The following OSBPL5 variants were observed in gnomAD, a reference collection of about 807,000 sequenced individuals.
OSBPL5 encodes oxysterol-binding protein-related protein 5.
OSBPL5 carries 71 observed loss-of-function variants against 111.2 expected under a neutral mutation model. That is an observed-to-expected ratio of 0.64 (90% CI 0.53 to 0.78). The LOEUF (loss-of-function observed/expected upper bound fraction) is 0.78, where lower values mean the gene tolerates loss of function less well. Among genes scored for constraint, OSBPL5 ranks in the 30% least tolerant of loss-of-function variants. The pLI, the probability that OSBPL5 is intolerant of heterozygous loss-of-function variation, is 0.00. For synonymous variants in OSBPL5, 549 were observed against 513.9 expected, an observed-to-expected ratio of 1.07 and a Z score of -0.93; for missense variants, 1,210 against 1,189.3, an observed-to-expected ratio of 1.02 and a Z score of -0.26.
intron 6 of OSBPL5, 115 bp downstream of exon 6, chr11:3,120,306 C>T: frequency 1.5e-6 from 2 of 1,324,192 alleles, no homozygotes; most frequent in Non-Finnish European, 2.1e-6. Context: ...GAGACACCTG[C>T]TCAAGGCCCC....
At chr11:3,153,109 G>A (rs563189022) in intron 1 of OSBPL5, among the ~76,000 whole-genome samples, 34 of 152,048 alleles carry the variant, frequency 2.2e-4, no homozygotes, top group Non-Finnish European at 4.1e-4. Context: ...GCTACGAGGT[G>A]AGCTGCTTCC....
chr11:3,097,975 G>A (rs1857330655), intron 14 of OSBPL5, among the ~76,000 whole-genome samples: 1 of 152,166 alleles, frequency 6.6e-6, no homozygotes, highest in Non-Finnish European at 1.5e-5. Context: ...GGCTGAGGCA[G>A]GAGAATTGCT....
intron 1 of OSBPL5, among the ~76,000 whole-genome samples, chr11:3,139,019 C>G (rs1310800396): frequency 6.6e-6 from 1 of 152,232 alleles, no homozygotes; most frequent in African/African-American, 2.4e-5. Flanking sequence ...CACCTGAGCT[C>G]CAAGGGCAGG....
chr11:3,097,024 G>GGGAAGACGGGAGA (rs1564824603), intron 14 of OSBPL5, among the ~76,000 whole-genome samples: 1 of 104,172 alleles, frequency 9.6e-6, no homozygotes, highest in African/African-American at 3.9e-5. Flanking sequence ...ACGGGAGGGG[G>GGGAAGACGGGAGA]AGGAGAGGAA....
intron 7 of OSBPL5, among the ~76,000 whole-genome samples, chr11:3,111,700 G>C (rs955657174): frequency 6.6e-6 from 1 of 151,762 alleles, no homozygotes; most frequent in Non-Finnish European, 1.5e-5. Flanking sequence ...CAATGGTGGC[G>C]TGATGGGGGG....
Position 3,140,559 on chromosome 11 carries a change from C to T in OSBPL5, c.-21-11390G>A, listed in dbSNP as rs1407101088. ...GGGCCTCCCCCAGCAGAGAGGGGCA[C>T]CGAGGGAAGCCAGGACCCCAGGCAG... On this transcript the variant is annotated intron_variant, in intron 1 of 21. Transcript: ENST00000263650. The surrounding 1 kb of genome is among the most constrained non-coding windows in gnomAD (Gnocchi z 4.5). Among the ~76,000 whole-genome samples, 1 of 152,114 alleles carries T rather than the reference C, an allele frequency of 6.6e-6. No homozygotes were observed. The highest frequency in any genetic ancestry group is 2.4e-5 in the African/African-American group (1 of 41,410).
chr11:3,092,762 G>A lies in OSBPL5; in HGVS notation c.2132+105C>T. On this transcript the variant is annotated intron_variant, in intron 18 of 21. Coordinates refer to ENST00000263650, the MANE Select transcript of OSBPL5 (RefSeq NM_020896.4). This position sits in a 1 kb window ranked among gnomAD's most constrained non-coding sequence, Gnocchi z 5.4. ...CCCTCCCCCACCGACTCCTCCAGGG[G>A]ACAGGCTGAAGGTGAGAGGGAAGCC... 1.4e-6 allele frequency: 2 copies of A among 1,405,978 alleles called. No individual in the cohort carries two copies. Among genetic ancestry groups the A allele is most frequent in the Non-Finnish European group, 9.5e-7 (1 of 1,056,432 alleles). The allele number at this position is 1,405,978 out of a possible 1,614,324, so 87.1% of individuals were successfully genotyped here. A position where few individuals can be genotyped will look rare whatever the true frequency, so the allele number is the denominator to read the frequency against.
At position 3,107,312 on chromosome 11, in the gene OSBPL5, A is replaced by G. The variant is rs1190060469; in HGVS notation, c.1010T>C (p.Val337Ala). The change falls in exon 9 of 22, where the codon GTG becomes GCG. Residue 337 changes from valine to alanine, a missense_variant. Transcript: ENST00000263650. This position sits in a 1 kb window ranked among gnomAD's most constrained non-coding sequence, Gnocchi z 6.1. ...SDQSETPGAP[V>A]RRGTTYVEQV... Reference sequence around the variant, plus strand: ...CTCCACATAGGTGGTCCCTCTCCGCACCGGGGCCCCAGGGGTCTCTGACTG... The same window carrying G: ...CTCCACATAGGTGGTCCCTCTCCGCGCCGGGGCCCCAGGGGTCTCTGACTG... The G allele has an allele frequency of 6.2e-7, 1 of 1,612,376 alleles. No individual in the cohort carries two copies. Among genetic ancestry groups the G allele is most frequent in the South Asian group, 1.1e-5 (1 of 90,968 alleles).
chr11:3,121,857 G>A lies in OSBPL5; in HGVS notation c.402+140C>T, dbSNP rs1176889558. ...GGATAAGGAAAGGCCTCATGAGGAA[G>A]GAGCAGAGGCTGCAGTGATAACGGC... On this transcript the variant is annotated intron_variant, in intron 5 of 21. Transcript: ENST00000263650. The surrounding 1 kb of genome is among the most constrained non-coding windows in gnomAD (Gnocchi z 4.3). 8.4e-6 allele frequency: 6 copies of A among 716,418 alleles called. No homozygotes were observed. The highest frequency in any genetic ancestry group is 3.0e-4 in the Middle Eastern group (1 of 3,348). The allele number at this position is 716,418 out of a possible 1,614,324, so 44.4% of individuals were successfully genotyped here.
intron 10 of OSBPL5, 59 bp from the exon 11 acceptor site, chr11:3,103,379 T>C: frequency 6.8e-7 from 1 of 1,471,758 alleles, no homozygotes; most frequent in Non-Finnish European, 9.3e-7. Flanking sequence ...CACCCTCCCT[T>C]TCCCTGACCC....
At chr11:3,102,767 G>A (rs1009450579) in intron 11 of OSBPL5, among the ~76,000 whole-genome samples, 1 of 152,174 alleles carries the variant, frequency 6.6e-6, no homozygotes, top group African/African-American at 2.4e-5. Context: ...TCTGTGGTGG[G>A]GTCAGGGGAG....
At position 3,087,729 on chromosome 11, in the gene OSBPL5, G is replaced by A. The variant is rs188722385; in HGVS notation, c.*476C>T. 13 of 153,376 alleles carry A rather than the reference G, an allele frequency of 8.5e-5. No individual in the cohort carries two copies. The highest frequency in any genetic ancestry group is 3.8e-4 in the East Asian group (2 of 5,204). 9.5% of individuals were successfully genotyped at this position (153,376 alleles called of 1,614,324 possible). ...CCAGTGGCCCCACCAGGGTGGTCCC[G>A]GCAATGTGGACAGGGTCTCCGGAAG... On this transcript the variant is annotated 3_prime_UTR_variant, in exon 22 of 22. Coordinates refer to ENST00000263650, the MANE Select transcript of OSBPL5 (RefSeq NM_020896.4).
rs1857731895 is a variant in OSBPL5, at chr11:3,107,255, G to A, written c.1059+8C>T. 1.2e-6 allele frequency: 2 copies of A among 1,609,886 alleles called. No individual in the cohort carries two copies. The highest frequency in any genetic ancestry group is 1.7e-6 in the Non-Finnish European group (2 of 1,178,672). On this transcript the variant is annotated splice_region_variant and intron_variant, in intron 9 of 21. Transcript: ENST00000263650. This position sits in a 1 kb window ranked among gnomAD's most constrained non-coding sequence, Gnocchi z 6.1. ...GACGCTTGGGGCTCCTGGCTGGGGG[G>A]CTCTCACCTCCCCCAGCTCCTCCTG...
chr11:3,089,788 C>T, intron 21 of OSBPL5, 58 bp downstream of exon 21: 10 of 1,494,580 alleles, frequency 6.7e-6, no homozygotes, highest in Non-Finnish European at 9.1e-6. Flanking sequence ...CCTAGCTCTA[C>T]CAGGTCTCTC....
intron 1 of OSBPL5, among the ~76,000 whole-genome samples, chr11:3,159,435 C>T (rs1406337744): frequency 1.3e-5 from 2 of 152,198 alleles, no homozygotes; most frequent in Non-Finnish European, 2.9e-5. Context: ...TCTCCCTGGC[C>T]CTGTGCCAGG....
chr11:3,144,818 G>A (rs1349359174), intron 1 of OSBPL5, among the ~76,000 whole-genome samples: 1 of 152,232 alleles, frequency 6.6e-6, no homozygotes, highest in Non-Finnish European at 1.5e-5. Flanking sequence ...GGCCAGGGCA[G>A]CTCATTCCCC....
At chr11:3,120,312 G>T (rs1368435649) in intron 6 of OSBPL5, 109 bp downstream of exon 6, 4 of 1,373,498 alleles carry the variant, frequency 2.9e-6, no homozygotes, top group African/African-American at 1.4e-5. Context: ...CCTGCTCAAG[G>T]CCCCAAGGGG....
intron 19 of OSBPL5, among the ~76,000 whole-genome samples, chr11:3,091,220 T>C (rs1242386682): frequency 6.6e-6 from 1 of 152,228 alleles, no homozygotes; most frequent in Non-Finnish European, 1.5e-5. Flanking sequence ...CATTCAGCCC[T>C]TACTTGAGCT....
Position 3,146,024 on chromosome 11 carries a change from G to T in OSBPL5, c.-21-16855C>A, listed in dbSNP as rs758776195. On this transcript the variant is annotated intron_variant, in intron 1 of 21. Transcript: ENST00000263650. The surrounding 1 kb of genome is among the most constrained non-coding windows in gnomAD (Gnocchi z 7.8). ...ACTTGCGGATGGGAGGATTCACCTG[G>T]GGGCCCCTCCGCCCTGCCGGGAGCA... is the stretch of plus-strand genomic sequence containing the variant. Among the ~76,000 whole-genome samples, 1 of 152,156 alleles carries T rather than the reference G, an allele frequency of 6.6e-6. No homozygotes were observed. Among genetic ancestry groups the T allele is most frequent in the Non-Finnish European group, 1.5e-5 (1 of 68,014 alleles).
Sources: allele counts gnomAD v4.1 joint callset (sites outside exome capture counted in the v4.1 genomes callset), GRCh38; gene constraint gnomAD v4.1.1; non-coding constraint Gnocchi (gnomAD v3.1); transcripts MANE v1.5; gene names NCBI Gene and HGNC (gene_info 2026-07-23, HGNC 2026-07-21).